The following MB21D2 variants were observed in gnomAD, a reference collection of about 807,000 sequenced individuals.
MB21D2 encodes Mab-21 domain containing 2, also known as nucleotidyltransferase MB21D2.
MB21D2 carries 9 observed loss-of-function variants against 33.3 expected under a neutral mutation model. The observed-to-expected ratio is 0.27, with a 90% CI of 0.16 to 0.47. The LOEUF (loss-of-function observed/expected upper bound fraction) is 0.47. Among genes scored for constraint, MB21D2 ranks in the 20% least tolerant of loss-of-function variants. The pLI, the probability that MB21D2 is intolerant of heterozygous loss-of-function variation, is 0.99. For synonymous variants in MB21D2, 241 were observed against 236.3 expected (o/e 1.02, Z -0.18); for missense variants, 540 against 624.6 (o/e 0.86, Z 1.44).
Position 192,834,804 on chromosome 3 carries a change from T to G in MB21D2, c.212-35154A>C, listed in dbSNP as rs867461727. Among the ~76,000 whole-genome samples, 43 of 144,708 alleles carry G rather than the reference T, an allele frequency of 3.0e-4. 3 individuals carry two copies. In the Middle Eastern group the frequency reaches 0.062, roughly 209 times the overall value. The allele number at this position is 144,708 out of a possible 152,430, so 94.9% of individuals were successfully genotyped here. ...CCACAGGTACAGATGTTTGAGAGGA[T>G]TGTTCTTTTTTTTTTTTTTTTTTTT... On this transcript the variant is annotated intron_variant, in intron 1 of 1. Coordinates refer to ENST00000392452, the MANE Select transcript of MB21D2 (RefSeq NM_178496.4).
intron 1 of MB21D2, among the ~76,000 whole-genome samples, chr3:192,867,569 A>C (rs1364673746): frequency 6.6e-6 from 1 of 152,050 alleles, no homozygotes; most frequent in African/African-American, 2.4e-5. Flanking sequence ...GGCTCAGAGA[A>C]ATTGGACTAA....
intron 1 of MB21D2, among the ~76,000 whole-genome samples, chr3:192,827,810 T>C (rs755913590): frequency 3.3e-5 from 5 of 152,138 alleles, no homozygotes; most frequent in East Asian, 1.9e-4. Context: ...CATATGTGCA[T>C]AGAAGTTCAC....
intron 1 of MB21D2, among the ~76,000 whole-genome samples, chr3:192,901,412 T>C (rs35897058): frequency 1.8e-5 from 2 of 111,128 alleles, no homozygotes; most frequent in Non-Finnish European, 3.6e-5. Context: ...TACTAAAAAT[T>C]CAAAAAAAAA....
chr3:192,877,977 G>GA (rs552057393), intron 1 of MB21D2, among the ~76,000 whole-genome samples: 11,116 of 96,532 alleles, frequency 0.12, 468 homozygotes, highest in African/African-American at 0.18. Context: ...TATTGAAAAA[G>GA]AAAAAAAAAA....
At chr3:192,877,752 C>T (rs190222575) in intron 1 of MB21D2, among the ~76,000 whole-genome samples, 2 of 152,300 alleles carry the variant, frequency 1.3e-5, no homozygotes, top group Non-Finnish European at 2.9e-5. Context: ...CTTAGTGACA[C>T]CAAATTACTC....
chr3:192,841,610 G>A (rs561274061), intron 1 of MB21D2, among the ~76,000 whole-genome samples: 38 of 152,326 alleles, frequency 2.5e-4, no homozygotes, highest in African/African-American at 8.2e-4. Flanking sequence ...CAAAGGCTGC[G>A]GCTCTGGCCG....
intron 1 of MB21D2, among the ~76,000 whole-genome samples, chr3:192,900,530 C>G (rs1241086081): frequency 6.6e-6 from 1 of 152,044 alleles, no homozygotes; most frequent in Admixed American, 6.5e-5. Flanking sequence ...CTGGTTTTTT[C>G]GTTTAGGGTA....
At chr3:192,803,298 T>G (rs903083063) in intron 1 of MB21D2, among the ~76,000 whole-genome samples, 1 of 152,178 alleles carries the variant, frequency 6.6e-6, no homozygotes, top group South Asian at 2.1e-4. Flanking sequence ...TTCAAAGGAG[T>G]CAACATCAAG....
chr3:192,797,200 G>C lies in MB21D2; in HGVS notation c.*1186C>G, dbSNP rs2108606256. 6.5e-6 allele frequency: 1 copy of C among 152,696 alleles called. No individual in the cohort carries two copies. Among genetic ancestry groups the C allele is most frequent in the South Asian group, 2.1e-4 (1 of 4,826 alleles). 9.5% of individuals were successfully genotyped at this position (152,696 alleles called of 1,614,324 possible). Reference sequence around the variant, plus strand: ...AGGCTGCCACCCACAGATATTTCCTGGGTGCTGCTCTATAGCAATACCTGC... The same window carrying C: ...AGGCTGCCACCCACAGATATTTCCTCGGTGCTGCTCTATAGCAATACCTGC... On this transcript the variant is annotated 3_prime_UTR_variant, in exon 2 of 2. Transcript: ENST00000392452.
At chr3:192,912,566 G>A (rs917010073) in intron 1 of MB21D2, among the ~76,000 whole-genome samples, 5 of 151,986 alleles carry the variant, frequency 3.3e-5, no homozygotes, top group Admixed American at 3.3e-4. Flanking sequence ...CCAGCTACTC[G>A]GGAGGCTGAG....
intron 1 of MB21D2, among the ~76,000 whole-genome samples, chr3:192,851,310 T>C (rs138736061): frequency 1.4e-3 from 214 of 152,116 alleles, no homozygotes; most frequent in African/African-American, 4.7e-3. Context: ...GGCAAATCCA[T>C]AGATTCAGAA....
chr3:192,861,868 C>G (rs1368377494), intron 1 of MB21D2, among the ~76,000 whole-genome samples: 1 of 152,068 alleles, frequency 6.6e-6, no homozygotes, highest in African/African-American at 2.4e-5. Flanking sequence ...CTCTACTCTC[C>G]CCCCACCAAA....
At chr3:192,849,607 C>T (rs1044442994) in intron 1 of MB21D2, among the ~76,000 whole-genome samples, 47 of 152,330 alleles carry the variant, frequency 3.1e-4, no homozygotes, top group Admixed American at 1.5e-3. Flanking sequence ...TGAGACACCA[C>T]ACTCGGCTGT....
intron 1 of MB21D2, among the ~76,000 whole-genome samples, chr3:192,905,298 A>G (rs2108653469): frequency 6.6e-6 from 1 of 152,302 alleles, no homozygotes; most frequent in East Asian, 1.9e-4. Context: ...AATTATTGCC[A>G]GCTTGGGCAA....
chr3:192,821,047 C>A (rs1712041290), intron 1 of MB21D2, among the ~76,000 whole-genome samples: 1 of 152,128 alleles, frequency 6.6e-6, no homozygotes, highest in Non-Finnish European at 1.5e-5. Context: ...TTTAAACAAA[C>A]AAACAGAACA....
At chr3:192,872,735 C>A (rs906237190) in intron 1 of MB21D2, among the ~76,000 whole-genome samples, 4 of 152,032 alleles carry the variant, frequency 2.6e-5, no homozygotes, top group Non-Finnish European at 5.9e-5. Context: ...TTGGACAAGC[C>A]CCTCTCCCAG....
At chr3:192,892,827 T>C (rs1304561411) in intron 1 of MB21D2, among the ~76,000 whole-genome samples, 1 of 152,124 alleles carries the variant, frequency 6.6e-6, no homozygotes, top group African/African-American at 2.4e-5. Context: ...AGCTCTATAA[T>C]TACCCTAATG....
chr3:192,891,948 C>G (rs1470205665), intron 1 of MB21D2, among the ~76,000 whole-genome samples: 1 of 152,064 alleles, frequency 6.6e-6, no homozygotes, highest in African/African-American at 2.4e-5. Context: ...TTATTTAACC[C>G]ACCTGCACTT....
chr3:192,814,690 G>T (rs552115282), intron 1 of MB21D2, among the ~76,000 whole-genome samples: 1 of 149,424 alleles, frequency 6.7e-6, no homozygotes, highest in Non-Finnish European at 1.5e-5. Flanking sequence ...GTGAAACCCT[G>T]TCTCTACTAA....
Sources: gnomAD v4.1 joint callset for allele counts (sites outside exome capture counted in the v4.1 genomes callset) on GRCh38, gnomAD v4.1.1 for gene constraint, MANE v1.5 for transcripts, NCBI Gene and HGNC (gene_info 2026-07-23, HGNC 2026-07-21) for gene names.